ARHGAP22: variants seen among roughly 807,000 people sequenced by gnomAD.
ARHGAP22 encodes rho GTPase-activating protein 22.
In ARHGAP22, 48 loss-of-function variants were observed where a neutral mutation model predicts 59.1. That is an observed-to-expected ratio of 0.81 (90% CI 0.64 to 1.03). The LOEUF (loss-of-function observed/expected upper bound fraction) is 1.03, where lower values mean the gene tolerates loss of function less well. Among genes scored for constraint, ARHGAP22 ranks in the 50% least tolerant of loss-of-function variants. The pLI is 0.00. For synonymous variants in ARHGAP22, 445 were observed against 416.4 expected, an observed-to-expected ratio of 1.07 and a Z score of -0.84; for missense variants, 1,015 against 958.7, an observed-to-expected ratio of 1.06 and a Z score of -0.78.
chr10:48,497,012 G>A (rs1041575542), intron 3 of ARHGAP22, among the ~76,000 whole-genome samples: 10 of 152,058 alleles, frequency 6.6e-5, no homozygotes, highest in African/African-American at 2.4e-4. Context: ...ATCCCCCAGG[G>A]CAGCACTGCA....
chr10:48,569,676 C>A (rs576138123), intron 2 of ARHGAP22, among the ~76,000 whole-genome samples: 2 of 152,304 alleles, frequency 1.3e-5, no homozygotes, highest in East Asian at 3.9e-4. Context: ...AAACTAATAT[C>A]CATGCTGACT....
At chr10:48,508,791 G>A (rs1310748640) in intron 3 of ARHGAP22, among the ~76,000 whole-genome samples, 2 of 152,242 alleles carry the variant, frequency 1.3e-5, no homozygotes, top group Non-Finnish European at 2.9e-5. Context: ...ACATAGCAAA[G>A]GCTCTGACAG....
chr10:48,617,320 C>T (rs897968051), intron 1 of ARHGAP22, among the ~76,000 whole-genome samples: 4 of 151,976 alleles, frequency 2.6e-5, no homozygotes, highest in African/African-American at 9.7e-5. Context: ...AACAAAGAGA[C>T]ATTGAACTTA....
chr10:48,620,975 CA>C, intron 1 of ARHGAP22, among the ~76,000 whole-genome samples: 1 of 152,256 alleles, frequency 6.6e-6, no homozygotes, highest in South Asian at 2.1e-4. Context: ...TGTCACTTCA[CA>C]AAAGTGGGAG....
intron 3 of ARHGAP22, among the ~76,000 whole-genome samples, chr10:48,516,647 A>C (rs1357110649): frequency 6.6e-6 from 1 of 152,244 alleles, no homozygotes; most frequent in Admixed American, 6.5e-5. Flanking sequence ...ACTCAAAAAG[A>C]AATTTAAAAT....
intron 1 of ARHGAP22, among the ~76,000 whole-genome samples, chr10:48,600,675 C>G (rs944287134): frequency 1.3e-5 from 2 of 152,176 alleles, no homozygotes; most frequent in Non-Finnish European, 2.9e-5. Flanking sequence ...CTTTGCTGAT[C>G]TGAGGGCCTC....
intron 2 of ARHGAP22, among the ~76,000 whole-genome samples, chr10:48,556,991 T>A (rs2057350329): frequency 6.6e-6 from 1 of 152,164 alleles, no homozygotes; most frequent in Admixed American, 6.5e-5. Context: ...CAAGGACACA[T>A]GGAAGTGACT....
intron 3 of ARHGAP22, among the ~76,000 whole-genome samples, chr10:48,530,675 A>G (rs1316174882): frequency 2.0e-5 from 3 of 152,240 alleles, no homozygotes; most frequent in Non-Finnish European, 2.9e-5. Flanking sequence ...AAAATGCTCA[A>G]CATCACTAAT....
chr10:48,447,133 G>A lies in ARHGAP22; in HGVS notation c.1869-514C>T, dbSNP rs140716037. Among the ~76,000 whole-genome samples the A allele has an allele frequency of 7.9e-5, 12 of 152,246 alleles. No individual in the cohort carries two copies. In the South Asian group the frequency reaches 8.3e-4, roughly 11 times the overall value. On this transcript the variant is annotated intron_variant, in intron 9 of 9. Transcript: ENST00000249601. ...CTCTCCCGTCATGTTCAGCTCAAGC[G>A]CCCCCTCCATGATGCTACTTCCTGT...
At chr10:48,446,664 G>T in intron 9 of ARHGAP22, 45 bp from the exon 10 acceptor site, 1 of 1,559,416 alleles carries the variant, frequency 6.4e-7, no homozygotes, top group Non-Finnish European at 8.8e-7. Flanking sequence ...TGCGGGCCAG[G>T]TTCACTGTCC....
chr10:48,654,682 G>T (rs1348463095), upstream of ARHGAP22, among the ~76,000 whole-genome samples: 4 of 151,822 alleles, frequency 2.6e-5, no homozygotes, highest in African/African-American at 9.7e-5. Flanking sequence ...TGGTGTGTGT[G>T]TTTAAGTGTG....
At chr10:48,607,053 T>G (rs1261731376), upstream of ARHGAP22, among the ~76,000 whole-genome samples, 2 of 152,122 alleles carry the variant, frequency 1.3e-5, no homozygotes, top group African/African-American at 2.4e-5. Flanking sequence ...AAATCTCATG[T>G]CGACACCAGG....
Position 48,479,707 on chromosome 10 carries a change from G to T in ARHGAP22, c.380C>A (p.Ala127Asp). Residue 127 changes from alanine to aspartate, a missense_variant, in exon 4 of 10, where the codon GCC becomes GAC. Ala to Asp is a moderately radical substitution (Grantham distance 126, BLOSUM62 -2). Coordinates refer to ENST00000249601, the MANE Select transcript of ARHGAP22 (RefSeq NM_021226.4). ...PANPEALLLM[A>D]SSQRDMEDWV... Reference sequence around the variant, plus strand: ...GTCCTCCATGTCACGCTGGGAGCTGGCCATGAGCAGGAGCGCCTCGGGGTT... The same window carrying T: ...GTCCTCCATGTCACGCTGGGAGCTGTCCATGAGCAGGAGCGCCTCGGGGTT... 6.2e-7 allele frequency: 1 copy of T among 1,609,920 alleles called. No individual in the cohort carries two copies. The highest frequency in any genetic ancestry group is 8.5e-7 in the Non-Finnish European group (1 of 1,178,050).
intron 8 of ARHGAP22, among the ~76,000 whole-genome samples, chr10:48,451,800 G>A (rs3813864): frequency 0.18 from 25,346 of 139,148 alleles, 2,569 homozygotes; most frequent in South Asian, 0.29. Context: ...GCCCACTCCC[G>A]AAAATCCCAC....
intron 3 of ARHGAP22, among the ~76,000 whole-genome samples, chr10:48,482,438 C>T (rs1023674924): frequency 6.6e-6 from 1 of 152,192 alleles, no homozygotes; most frequent in Non-Finnish European, 1.5e-5. Context: ...AGCTGGGAAT[C>T]GTTTCTTTCT....
rs1243254114 is a variant in ARHGAP22 at position 48,479,687 on chromosome 10, C to T, written c.400G>A (p.Glu134Lys). 6.2e-7 allele frequency: 1 copy of T among 1,612,438 alleles called. No individual in the cohort carries two copies. The highest frequency in any genetic ancestry group is 1.1e-5 in the South Asian group (1 of 90,786). Residue 134 changes from glutamate to lysine, a missense_variant, in exon 4 of 10, where the codon GAG becomes AAG. Glu to Lys is a moderately conservative substitution (Grantham distance 56, BLOSUM62 1). Coordinates refer to ENST00000249601, the MANE Select transcript of ARHGAP22 (RefSeq NM_021226.4). ...CGGCGGATGGCCTGCACCCAGTCCT[C>T]CATGTCACGCTGGGAGCTGGCCATG... ...LLMASSQRDM[E>K]DWVQAIRRVI...
intron 1 of ARHGAP22, among the ~76,000 whole-genome samples, chr10:48,599,935 C>T (rs2060285288): frequency 6.6e-6 from 1 of 152,216 alleles, no homozygotes; most frequent in Non-Finnish European, 1.5e-5. Context: ...GGGGCATGAG[C>T]TGTTCAGTGA....
At chr10:48,598,045 A>C (rs887223672) in intron 1 of ARHGAP22, among the ~76,000 whole-genome samples, 3 of 152,228 alleles carry the variant, frequency 2.0e-5, no homozygotes, top group African/African-American at 7.2e-5. Context: ...CCAGTTCTCC[A>C]GCTGTCTGGG....
At chr10:48,583,191 C>A (rs575380600) in intron 1 of ARHGAP22, 39 bp from the exon 2 acceptor site, 5 of 1,591,614 alleles carry the variant, frequency 3.1e-6, no homozygotes, top group Non-Finnish European at 4.3e-6. Flanking sequence ...ATGAAGGCAG[C>A]GTGCCTGCTA....
Sources: allele counts gnomAD v4.1 joint callset (sites outside exome capture counted in the v4.1 genomes callset), GRCh38; gene constraint gnomAD v4.1.1; transcripts MANE v1.5; gene names NCBI Gene and HGNC (gene_info 2026-07-23, HGNC 2026-07-21).